KRT8: variants seen among roughly 807,000 people sequenced by gnomAD.
KRT8 encodes the protein keratin, type II cytoskeletal 8.
In KRT8, 24 loss-of-function variants were observed where a neutral mutation model predicts 43.0. The ratio of observed to expected loss-of-function variants is 0.56; its 90% CI spans 0.40 to 0.78. The LOEUF is 0.78. KRT8 is among the 30% of genes least tolerant of loss of function. The pLI, the probability that KRT8 is intolerant of heterozygous loss-of-function variation, is 0.00. For missense variants in KRT8, 492 were observed against 638.4 expected (o/e 0.77, Z 2.47); for synonymous variants, 214 against 261.2 (o/e 0.82, Z 1.74).
At chr12:52,944,447 T>C (rs1391285578) in intron 2 of KRT8, among the ~76,000 whole-genome samples, 3 of 152,032 alleles carry the variant, frequency 2.0e-5, no homozygotes, top group Non-Finnish European at 4.4e-5. Context: ...TCCCCTAATC[T>C]CTGGGCAGAT....
chr12:52,943,593 G>T (rs547783729), intron 2 of KRT8, among the ~76,000 whole-genome samples: 1 of 152,350 alleles, frequency 6.6e-6, no homozygotes, highest in South Asian at 2.1e-4. Context: ...AAATCCTTGA[G>T]GGGGATGCTC....
chr12:52,928,358 C>G (rs1370736716), intron 2 of KRT8, among the ~76,000 whole-genome samples: 1 of 152,202 alleles, frequency 6.6e-6, no homozygotes, highest in Non-Finnish European at 1.5e-5. Context: ...CCACCACCAT[C>G]CTTAACAATG....
upstream of KRT8, among the ~76,000 whole-genome samples, chr12:52,905,986 C>A (rs1424491795): frequency 6.6e-6 from 1 of 152,162 alleles, no homozygotes; most frequent in East Asian, 1.9e-4. Context: ...GAGGCTGAGG[C>A]AGGAGAATCA....
intron 2 of KRT8, among the ~76,000 whole-genome samples, chr12:52,931,368 G>A (rs893167462): frequency 6.6e-5 from 10 of 152,134 alleles, no homozygotes; most frequent in Non-Finnish European, 1.2e-4. Flanking sequence ...TGCCCGGCCA[G>A]TGTCTCCCCA....
At chr12:52,927,613 G>T (rs918690561) in intron 2 of KRT8, among the ~76,000 whole-genome samples, 9 of 152,218 alleles carry the variant, frequency 5.9e-5, no homozygotes, top group Admixed American at 2.0e-4. Flanking sequence ...CACCATGCCA[G>T]CCAGGCCTTC....
intron 3 of KRT8, 33 bp downstream of exon 3, chr12:52,901,126 A>G (rs769748504): frequency 5.4e-6 from 8 of 1,491,024 alleles, no homozygotes; most frequent in Non-Finnish European, 7.5e-6. Flanking sequence ...CCCAGCCTCC[A>G]GTGTCCAGAT....
At chr12:52,920,695 T>C (rs1360002548) in intron 2 of KRT8, among the ~76,000 whole-genome samples, 2 of 152,044 alleles carry the variant, frequency 1.3e-5, no homozygotes, top group Non-Finnish European at 2.9e-5. Flanking sequence ...TAACAGGCAC[T>C]CCACCAGTAT....
chr12:52,931,538 T>G (rs1213914345), intron 2 of KRT8, among the ~76,000 whole-genome samples: 1 of 152,072 alleles, frequency 6.6e-6, no homozygotes, highest in Non-Finnish European at 1.5e-5. Flanking sequence ...AAAACAAAGT[T>G]GAAAACTAAG....
intron 2 of KRT8, among the ~76,000 whole-genome samples, chr12:52,941,478 CTTTTTTTTTT>C (rs774607187): frequency 1.4e-5 from 1 of 72,574 alleles, no homozygotes; most frequent in Admixed American, 2.0e-4. Context: ...AGTTTTTGCT[CTTTTTTTTTT>C]TTTTTTTTTT....
intron 2 of KRT8, among the ~76,000 whole-genome samples, chr12:52,913,254 A>G (rs1941670534): frequency 6.6e-6 from 1 of 152,156 alleles, no homozygotes; most frequent in African/African-American, 2.4e-5. Context: ...GAAGGAAGCA[A>G]TGACTCCAAC....
rs1223136500 is a variant in KRT8 at position 52,939,706 on chromosome 12, ACG to A, written c.-47+9748_-47+9749del. On this transcript the variant is annotated intron_variant, in intron 2 of 6. Transcript: ENST00000546826. Reference sequence around the variant, plus strand: ...CATAGAACTCCAGCCTGAGTGACAGACGGGGAGACTCCCTCTCAAAAAAAAAA... The same window carrying A: ...CATAGAACTCCAGCCTGAGTGACAGAGGGAGACTCCCTCTCAAAAAAAAAA... 3.3e-4 allele frequency among the ~76,000 whole-genome samples: 21 copies of A among 63,190 alleles called. No individual in the cohort carries two copies. The South Asian group carries it at 5.6e-3, about 17-fold the overall frequency. 41.5% of individuals were successfully genotyped at this position (63,190 alleles called of 152,430 possible).
intron 2 of KRT8, among the ~76,000 whole-genome samples, chr12:52,931,303 G>A (rs930878710): frequency 1.2e-4 from 18 of 151,918 alleles, no homozygotes; most frequent in Admixed American, 4.6e-4. Flanking sequence ...TCCTGACCTC[G>A]TGATCCTCCC....
At chr12:52,922,765 C>G (rs991518183) in intron 2 of KRT8, among the ~76,000 whole-genome samples, 6 of 152,166 alleles carry the variant, frequency 3.9e-5, no homozygotes, top group African/African-American at 1.4e-4. Flanking sequence ...CCATCTACTT[C>G]CTAAGTCATG....
intron 2 of KRT8, among the ~76,000 whole-genome samples, chr12:52,945,041 C>T (rs1942322934): frequency 6.6e-6 from 1 of 152,186 alleles, no homozygotes; most frequent in Admixed American, 6.5e-5. Context: ...CCTAGCACCC[C>T]ATGTTTATTA....
chr12:52,898,960 C>A (rs1941292639), intron 5 of KRT8, 61 bp from the exon 6 acceptor site: 1 of 1,473,408 alleles, frequency 6.8e-7, no homozygotes, highest in Non-Finnish European at 9.4e-7. Flanking sequence ...CTCCCGTGCT[C>A]CCACCCTCCC....
intron 3 of KRT8, 36 bp from the exon 4 acceptor site, chr12:52,900,719 T>C: frequency 6.8e-7 from 1 of 1,479,940 alleles, no homozygotes; most frequent in Non-Finnish European, 9.4e-7. Flanking sequence ...GAGCTGGGTT[T>C]CCACACCCAA....
At chr12:52,915,506 G>A (rs774550885) in intron 2 of KRT8, among the ~76,000 whole-genome samples, 62 of 151,844 alleles carry the variant, frequency 4.1e-4, no homozygotes, top group Non-Finnish European at 7.4e-4. Context: ...TCAGGAGGTC[G>A]AGACCAGCCT....
At chr12:52,911,194 A>T (rs953800194), upstream of KRT8, among the ~76,000 whole-genome samples, 2 of 152,144 alleles carry the variant, frequency 1.3e-5, no homozygotes, top group Admixed American at 6.6e-5. Context: ...TCTACTAAAA[A>T]TACAGAAATT....
At chr12:52,945,136 T>G (rs552294445) in intron 2 of KRT8, among the ~76,000 whole-genome samples, 1 of 152,290 alleles carries the variant, frequency 6.6e-6, no homozygotes, top group South Asian at 2.1e-4. Context: ...CCACCCCAGA[T>G]TCCTTTTCCT....
Sources: allele counts gnomAD v4.1 joint callset (sites outside exome capture counted in the v4.1 genomes callset), GRCh38; gene constraint gnomAD v4.1.1; transcripts MANE v1.5; gene names NCBI Gene and HGNC (gene_info 2026-07-23, HGNC 2026-07-21).